XKR9: variants seen among roughly 807,000 people sequenced by gnomAD.
XKR9 encodes the protein XK-related protein 9.
In XKR9, 32 loss-of-function variants were observed where a neutral mutation model predicts 32.0. The ratio of observed to expected loss-of-function variants is 1.00; its 90% CI spans 0.76 to 1.34. The LOEUF is 1.34. Among genes scored for constraint, XKR9 ranks in the 40% most tolerant of loss-of-function variants. XKR9 has a pLI of 0.00. For synonymous variants in XKR9, 168 were observed against 143.4 expected (o/e 1.17, Z -1.22); for missense variants, 546 against 429.7 (o/e 1.27, Z -2.39).
chr8:70,717,810 C>T (rs747477727), intron 4 of XKR9, among the ~76,000 whole-genome samples: 1 of 152,110 alleles, frequency 6.6e-6, no homozygotes, highest in Non-Finnish European at 1.5e-5. Flanking sequence ...TCTTTTTTTA[C>T]AGCATTGTCA....
chr8:70,961,775 T>C, the XKR9 span, among the ~76,000 whole-genome samples: 1 of 152,184 alleles, frequency 6.6e-6, no homozygotes, highest in Non-Finnish European at 1.5e-5. Flanking sequence ...TAAATTTCAC[T>C]GAAGCACTAC....
the XKR9 span, among the ~76,000 whole-genome samples, chr8:70,991,281 T>A: frequency 6.6e-6 from 1 of 152,262 alleles, no homozygotes; most frequent in African/African-American, 2.4e-5. Flanking sequence ...CTTAACTGGG[T>A]CAGTCCTTAG....
chr8:70,815,804 C>T, the XKR9 span, among the ~76,000 whole-genome samples: 1 of 152,056 alleles, frequency 6.6e-6, no homozygotes, highest in Non-Finnish European at 1.5e-5. Context: ...GGATTACAGT[C>T]GTGAGCTACT....
At chr8:70,909,088 A>G in the XKR9 span, among the ~76,000 whole-genome samples, 1 of 152,080 alleles carries the variant, frequency 6.6e-6, no homozygotes, top group Non-Finnish European at 1.5e-5. Context: ...CTATATTACC[A>G]TGTAGTCCTT....
the XKR9 span, among the ~76,000 whole-genome samples, chr8:71,011,750 G>A: frequency 6.6e-6 from 1 of 152,008 alleles, no homozygotes; most frequent in Admixed American, 6.6e-5. Context: ...CCTCAACCTG[G>A]GATTTAAAAT....
At chr8:70,694,923 T>C (rs1805206623) in intron 3 of XKR9, among the ~76,000 whole-genome samples, 1 of 152,218 alleles carries the variant, frequency 6.6e-6, no homozygotes, top group Non-Finnish European at 1.5e-5. Context: ...GCTGCTCTGC[T>C]GAGACTCTAC....
chr8:70,681,925 A>T (rs1469790592), intron 3 of XKR9, among the ~76,000 whole-genome samples: 3 of 152,132 alleles, frequency 2.0e-5, no homozygotes, highest in African/African-American at 7.2e-5. Flanking sequence ...TGTCCTGTTA[A>T]AAAGCAATTC....
At chr8:70,795,937 C>T in the XKR9 span, among the ~76,000 whole-genome samples, 67 of 152,204 alleles carry the variant, frequency 4.4e-4, no homozygotes, top group African/African-American at 1.2e-3. Context: ...GTTGTCTGTT[C>T]ACTCAACATT....
At chr8:71,002,275 C>A in the XKR9 span, among the ~76,000 whole-genome samples, 216 of 151,812 alleles carry the variant, frequency 1.4e-3, 1 homozygote, top group African/African-American at 5.0e-3. Flanking sequence ...AGTCTATAAA[C>A]TACGAGGAAG....
chr8:70,834,544 C>G, the XKR9 span, among the ~76,000 whole-genome samples: 1 of 152,004 alleles, frequency 6.6e-6, no homozygotes, highest in Non-Finnish European at 1.5e-5. Flanking sequence ...TTTGATGTTG[C>G]TTAAATTCCT....
chr8:70,694,627 G>A (rs533539716), intron 3 of XKR9, among the ~76,000 whole-genome samples: 1 of 152,314 alleles, frequency 6.6e-6, no homozygotes, highest in East Asian at 1.9e-4. Flanking sequence ...TGGCTAAGGT[G>A]CCTGAATAGC....
chr8:70,890,056 A>AT, the XKR9 span, among the ~76,000 whole-genome samples: 4 of 151,682 alleles, frequency 2.6e-5, no homozygotes, highest in Admixed American at 1.3e-4. Context: ...TCAGCATTGA[A>AT]TTTTTTTCTG....
chr8:70,780,470 GA>G (rs1195142860), intron 2 of XKR9, among the ~76,000 whole-genome samples: 1 of 151,954 alleles, frequency 6.6e-6, no homozygotes, highest in Non-Finnish European at 1.5e-5. Context: ...AGTTCCTTAT[GA>G]TTTTTTTGAC....
intron 4 of XKR9, among the ~76,000 whole-genome samples, chr8:70,717,278 G>A (rs1256661916): frequency 6.6e-6 from 1 of 152,180 alleles, no homozygotes; most frequent in Non-Finnish European, 1.5e-5. Flanking sequence ...TGCCTCAGTG[G>A]GGACTCTGTG....
chr8:71,024,481 T>C, the XKR9 span, among the ~76,000 whole-genome samples: 1 of 152,206 alleles, frequency 6.6e-6, no homozygotes, highest in African/African-American at 2.4e-5. Flanking sequence ...CTGGGCCCTG[T>C]GGCAGGATAC....
the XKR9 span, among the ~76,000 whole-genome samples, chr8:70,971,515 C>G: frequency 6.6e-6 from 1 of 151,990 alleles, no homozygotes; most frequent in African/African-American, 2.4e-5. Flanking sequence ...GCTTTGGGTT[C>G]TTGGTCATGA....
intron 3 of XKR9, among the ~76,000 whole-genome samples, chr8:70,692,496 G>A (rs530894148): frequency 3.3e-4 from 50 of 152,148 alleles, no homozygotes; most frequent in Middle Eastern, 3.4e-3. Flanking sequence ...TGTCTTGTAC[G>A]AGTTTTCAAG....
the XKR9 span, among the ~76,000 whole-genome samples, chr8:70,906,032 G>T: frequency 6.6e-6 from 1 of 152,252 alleles, no homozygotes; most frequent in Non-Finnish European, 1.5e-5. Context: ...GGTGTCAGTC[G>T]GCCACTACTG....
chr8:70,950,896 A>G, the XKR9 span, among the ~76,000 whole-genome samples: 3 of 150,400 alleles, frequency 2.0e-5, no homozygotes, highest in Non-Finnish European at 4.4e-5. Context: ...CTGTTCTTGA[A>G]CTCCTGACCT....
Sources: gnomAD v4.1 joint callset for allele counts (sites outside exome capture counted in the v4.1 genomes callset) on GRCh38, gnomAD v4.1.1 for gene constraint, MANE v1.5 for transcripts, NCBI Gene and HGNC (gene_info 2026-07-23, HGNC 2026-07-21) for gene names.